The following DNAH9 variants were observed in gnomAD, a reference collection of about 807,000 sequenced individuals.
DNAH9 encodes the protein DNAH9 variant protein.
In DNAH9, 345 loss-of-function variants were observed where a neutral mutation model predicts 471.6. The observed-to-expected ratio is 0.73, with a 90% CI of 0.67 to 0.80. The LOEUF (loss-of-function observed/expected upper bound fraction) is 0.80, where lower values mean the gene tolerates loss of function less well. Ranked by LOEUF, DNAH9 falls within the 30% of genes least tolerant of loss-of-function variation. The pLI is 0.00. For synonymous variants in DNAH9, 2,093 were observed against 2,123.6 expected (o/e 0.99, Z 0.40); for missense variants, 5,407 against 5,609.2 (o/e 0.96, Z 1.15).
chr17:11,813,914 G>T (rs1970005832), intron 45 of DNAH9, among the ~76,000 whole-genome samples: 3 of 152,188 alleles, frequency 2.0e-5, no homozygotes, highest in African/African-American at 7.2e-5. Context: ...ATTAGCAAAA[G>T]ATACATAACT....
At chr17:11,633,902 C>G (rs1034637827) in intron 8 of DNAH9, among the ~76,000 whole-genome samples, 1 of 152,196 alleles carries the variant, frequency 6.6e-6, no homozygotes, top group African/African-American at 2.4e-5. Context: ...TGTCTACAGA[C>G]CCCCTTTAAA....
Position 11,891,892 on chromosome 17 carries a change from T to G in DNAH9, c.11228T>G (p.Ile3743Ser). The G allele has an allele frequency of 6.2e-7, 1 of 1,614,106 alleles. No individual in the cohort carries two copies. Among genetic ancestry groups the G allele is most frequent in the Non-Finnish European group, 8.5e-7 (1 of 1,180,002 alleles). ...SITFSVYQYTIRGLFECDKLT... is the reference protein window; with the variant it reads ...SITFSVYQYTSRGLFECDKLT... The stretch of plus-strand genomic sequence containing the variant: ...ACCTTCTCTGTGTACCAGTACACCA[T>G]CCGCGGGCTCTTTGAGTGTGATAAG... Residue 3743 changes from isoleucine to serine, a missense_variant, in exon 58 of 69, where the codon ATC becomes AGC. Transcript: ENST00000262442.
intron 38 of DNAH9, among the ~76,000 whole-genome samples, chr17:11,776,133 C>G (rs1968422685): frequency 6.6e-6 from 1 of 152,124 alleles, no homozygotes; most frequent in Non-Finnish European, 1.5e-5. Context: ...TCCTCCCCAG[C>G]CTATGAAACT....
At chr17:11,801,795 T>C (rs2150918528) in intron 43 of DNAH9, among the ~76,000 whole-genome samples, 1 of 152,266 alleles carries the variant, frequency 6.6e-6, no homozygotes, top group Middle Eastern at 3.4e-3. Context: ...TTGAGGCAAG[T>C]CTTTGTCCTT....
Position 11,598,767 on chromosome 17 carries a change from G to T in DNAH9, c.269G>T (p.Gly90Val). The T allele has an allele frequency of 6.9e-7, 1 of 1,456,650 alleles. No homozygotes were observed. Among genetic ancestry groups the T allele is most frequent in the South Asian group, 1.3e-5 (1 of 75,524 alleles). 90.2% of individuals were successfully genotyped at this position (1,456,650 alleles called of 1,614,324 possible). The part of the protein sequence containing the change: ...GLAIRPGLEV[G>V]PESGLAGAKA... The stretch of plus-strand genomic sequence containing the variant: ...GCAATACGCCCCGGGCTGGAGGTGG[G>T]ACCTGAGTCGGGCCTGGCTGGCGCT... The change falls in exon 1 of 69, where the codon GGA becomes GTA. Residue 90 changes from glycine (G) to valine (V), a missense_variant. This residue lies in a region of DNAH9 where 767 missense variants were observed against 692.5 expected (regional missense o/e 1.11). Transcript: ENST00000262442.
Position 11,629,514 on chromosome 17 carries a change from A to T in DNAH9, c.1448A>T (p.His483Leu). ...NALSQQVQQM[H>L]EEFQEMYRLL... ...CTGAGTCAGCAGGTCCAGCAAATGC[A>T]TGAAGAATTTCAAGAGATGTACAGG... Residue 483 changes from histidine to leucine, a missense_variant, in exon 7 of 69, where the codon CAT becomes CTT. His to Leu is a moderately conservative substitution (Grantham distance 99). Coordinates refer to ENST00000262442, the MANE Select transcript of DNAH9 (RefSeq NM_001372.4). 1 of 1,614,164 alleles carries T rather than the reference A, an allele frequency of 6.2e-7. No homozygotes were observed. Among genetic ancestry groups the T allele is most frequent in the African/African-American group, 1.3e-5 (1 of 75,036 alleles).
chr17:11,808,850 G>A (rs994500955), intron 44 of DNAH9, among the ~76,000 whole-genome samples: 1 of 152,134 alleles, frequency 6.6e-6, no homozygotes, highest in Admixed American at 6.5e-5. Context: ...ATTTTTCAAA[G>A]CATCCCCAAG....
At chr17:11,934,373 T>A (rs530900168) in intron 65 of DNAH9, among the ~76,000 whole-genome samples, 2 of 151,848 alleles carry the variant, frequency 1.3e-5, no homozygotes, top group African/African-American at 4.8e-5. Flanking sequence ...GTGTTGCTGT[T>A]TTCTACAAAT....
chr17:11,683,301 G>A (rs1369655648), intron 19 of DNAH9, among the ~76,000 whole-genome samples: 2 of 152,116 alleles, frequency 1.3e-5, no homozygotes, highest in East Asian at 3.9e-4. Flanking sequence ...AGCCTCCTGA[G>A]TAGCTGGGGT....
intron 10 of DNAH9, among the ~76,000 whole-genome samples, 168 bp downstream of exon 10, chr17:11,640,552 T>C (rs1302398052): frequency 6.6e-6 from 1 of 152,204 alleles, no homozygotes; most frequent in Non-Finnish European, 1.5e-5. Flanking sequence ...AGTCATGATA[T>C]TGATGCATTT....
At position 11,822,418 on chromosome 17, in the gene DNAH9, C is replaced by G; in HGVS notation, c.8851-20C>G. The G allele has an allele frequency of 4.3e-6, 7 of 1,613,792 alleles. No individual in the cohort carries two copies. The highest frequency in any genetic ancestry group is 5.9e-6 in the Non-Finnish European group (7 of 1,179,834). ...TTCTCTGATGCCTTCCTGGTTCTCC[C>G]CACCCTTCTGACTTCTCAGGTGACT... is the stretch of plus-strand genomic sequence containing the variant. On this transcript the variant is annotated intron_variant, in intron 46 of 68. Transcript: ENST00000262442.
chr17:11,924,500 GTTAAA>G (rs986233670), intron 62 of DNAH9, among the ~76,000 whole-genome samples: 2 of 150,688 alleles, frequency 1.3e-5, no homozygotes, highest in Non-Finnish European at 3.0e-5. Flanking sequence ...AGAAAAGAGA[GTTAAA>G]TTAAAGAATT....
chr17:11,711,085 G>C lies in DNAH9; in HGVS notation c.5552+5900G>C, dbSNP rs113553640. 3.3e-5 allele frequency among the ~76,000 whole-genome samples: 5 copies of C among 152,316 alleles called. 1 individual carries two copies. Among genetic ancestry groups the C allele is most frequent in the African/African-American group, 1.2e-4 (5 of 41,572 alleles). On this transcript the variant is annotated intron_variant, in intron 26 of 68. Transcript: ENST00000262442. The stretch of plus-strand genomic sequence containing the variant: ...TAACTTCTCACTCAGAAGGAAGATA[G>C]ACCCTCTCTTGCCTGGCAGGTATAG...
At chr17:11,920,531 G>A (rs549635322) in intron 61 of DNAH9, among the ~76,000 whole-genome samples, 2 of 150,676 alleles carry the variant, frequency 1.3e-5, no homozygotes, top group African/African-American at 2.4e-5. Flanking sequence ...TGAGGCAGGA[G>A]AATTGCTTGA....
Position 11,892,330 on chromosome 17 carries a change from G to T in DNAH9, c.11283+383G>T, listed in dbSNP as rs1973078543. 6.6e-6 allele frequency among the ~76,000 whole-genome samples: 1 copy of T among 152,094 alleles called. No individual in the cohort carries two copies. The highest frequency in any genetic ancestry group is 2.4e-5 in the African/African-American group (1 of 41,432). On this transcript the variant is annotated intron_variant, in intron 58 of 68. Coordinates refer to ENST00000262442, the MANE Select transcript of DNAH9 (RefSeq NM_001372.4). This position sits in a 1 kb window ranked among gnomAD's most constrained non-coding sequence, Gnocchi z 4.3. The stretch of plus-strand genomic sequence containing the variant: ...GAAATTTGGTAGAGTATCCATCATT[G>T]TTTATTTACCTTTAGACTGCAAGTT...
intron 20 of DNAH9, 110 bp from the exon 21 acceptor site, chr17:11,693,758 C>T (rs2074378763): frequency 3.5e-6 from 4 of 1,135,520 alleles, no homozygotes; most frequent in Non-Finnish European, 5.3e-6. Flanking sequence ...AGTCTATTCT[C>T]TGTATTTGAC....
chr17:11,747,892 G>A (rs1352064330), intron 32 of DNAH9, 126 bp downstream of exon 32: 2 of 851,174 alleles, frequency 2.3e-6, no homozygotes, highest in African/African-American at 1.7e-5. Context: ...CGCGGAGGGA[G>A]ACAAAAAAGC....
chr17:11,869,313 T>C lies in DNAH9; in HGVS notation c.10053+60T>C, dbSNP rs1972177345. 47 of 1,596,848 alleles carry C rather than the reference T, an allele frequency of 2.9e-5. No homozygotes were observed. In the South Asian group the frequency reaches 5.3e-4, roughly 18 times the overall value. Reference sequence around the variant, plus strand: ...ATATTAGCAGGCTTGTCAAATGCCGTGGAGGTGCAAGATAGATGAGCACAG... The same window carrying C: ...ATATTAGCAGGCTTGTCAAATGCCGCGGAGGTGCAAGATAGATGAGCACAG... On this transcript the variant is annotated intron_variant, in intron 51 of 68. Transcript: ENST00000262442.
At chr17:11,704,173 A>C in intron 24 of DNAH9, 30 bp from the exon 25 acceptor site, 1 of 1,612,964 alleles carries the variant, frequency 6.2e-7, no homozygotes, top group Non-Finnish European at 8.5e-7. Flanking sequence ...CCATGATAAC[A>C]GCTTTACTAG....
Sources: allele counts gnomAD v4.1 joint callset (sites outside exome capture counted in the v4.1 genomes callset), GRCh38; gene constraint gnomAD v4.1.1; regional missense constraint gnomAD v4.1.1; non-coding constraint Gnocchi (gnomAD v3.1); transcripts MANE v1.5; gene names NCBI Gene and HGNC (gene_info 2026-07-23, HGNC 2026-07-21).